CELF2: variants seen among roughly 807,000 people sequenced by gnomAD.
CELF2 encodes the protein CUGBP Elav-like family member 2, also known as CUG triplet repeat RNA-binding protein 2.
Under a neutral mutation model 62.6 loss-of-function variants are expected in CELF2, and 8 were observed. The observed-to-expected ratio is 0.13, with a 90% CI of 0.07 to 0.23. CELF2 has a LOEUF of 0.23. Ranked by LOEUF, CELF2 falls within the 10% of genes least tolerant of loss-of-function variation. CELF2 has a pLI of 1.00. For missense variants in CELF2, 333 were observed against 671.0 expected (o/e 0.50, Z 5.56); for synonymous variants, 258 against 250.0 (o/e 1.03, Z -0.30).
chr10:11,186,297 T>C lies in CELF2; in HGVS notation c.271+20615T>C, dbSNP rs548971447. On this transcript the variant is annotated intron_variant, in intron 2 of 12. Coordinates refer to ENST00000633077, the MANE Select transcript of CELF2 (RefSeq NM_001326342.2). ...AAGAACTAGCCTTTGGTTTTGTTGC[T>C]TTTTTTTTTTTTTTTTCTATTTCTT... Among the ~76,000 whole-genome samples, 100 of 41,936 alleles carry C rather than the reference T, an allele frequency of 2.4e-3. 1 individual carries two copies. Among genetic ancestry groups the C allele is most frequent in the African/African-American group, 0.013 (94 of 7,412 alleles). The allele number at this position is 41,936 out of a possible 152,430, so 27.5% of individuals were successfully genotyped here.
intron 1 of CELF2, among the ~76,000 whole-genome samples, chr10:11,041,124 T>C (rs1230334850): frequency 2.0e-5 from 3 of 152,234 alleles, no homozygotes; most frequent in Non-Finnish European, 4.4e-5. Context: ...TACCCTCACA[T>C]GGTTCAAAAA....
chr10:11,049,011 G>A (rs2063376867), intron 1 of CELF2, among the ~76,000 whole-genome samples: 1 of 151,966 alleles, frequency 6.6e-6, no homozygotes, highest in African/African-American at 2.4e-5. Context: ...TTCAAAATAT[G>A]TACAGAATTG....
At position 11,098,453 on chromosome 10, in the gene CELF2, A is replaced by G. The variant is rs1182257177; in HGVS notation, c.75-67033A>G. Reference sequence around the variant, plus strand: ...GTGAGCTCAAACCCCCATGTACTGCAGAGGGATAACAGTTCTTCAGCCTTG... The same window carrying G: ...GTGAGCTCAAACCCCCATGTACTGCGGAGGGATAACAGTTCTTCAGCCTTG... On this transcript the variant is annotated intron_variant, in intron 1 of 12. Transcript: ENST00000633077. The surrounding 1 kb of genome is among the most constrained non-coding windows in gnomAD (Gnocchi z 4.0). The G allele has an allele frequency of 6.6e-6, 1 of 152,178 alleles. No homozygotes were observed. Among genetic ancestry groups the G allele is most frequent in the Non-Finnish European group, 1.5e-5 (1 of 68,046 alleles). 9.4% of individuals were successfully genotyped at this position (152,178 alleles called of 1,614,324 possible).
intron 2 of CELF2, among the ~76,000 whole-genome samples, chr10:10,961,353 A>G (rs2135976587): frequency 6.6e-6 from 1 of 152,340 alleles, no homozygotes; most frequent in Non-Finnish European, 1.5e-5. Context: ...AAATGTTACC[A>G]TATTAAAGTA....
At chr10:10,640,264 A>G in the CELF2 span, among the ~76,000 whole-genome samples, 5 of 152,344 alleles carry the variant, frequency 3.3e-5, no homozygotes, top group East Asian at 9.6e-4. Flanking sequence ...GATGTTGAGT[A>G]AAGGCTTGGC....
the CELF2 span, among the ~76,000 whole-genome samples, chr10:10,554,299 GAGC>G: frequency 6.6e-6 from 1 of 152,132 alleles, no homozygotes; most frequent in Non-Finnish European, 1.5e-5. Flanking sequence ...CCCTTCACCT[GAGC>G]CACCCAGGTA....
the CELF2 span, among the ~76,000 whole-genome samples, chr10:10,733,376 G>A: frequency 6.6e-6 from 1 of 152,058 alleles, no homozygotes; most frequent in Non-Finnish European, 1.5e-5. Context: ...TCCAACTGCA[G>A]TCATCAAAGA....
intron 1 of CELF2, among the ~76,000 whole-genome samples, chr10:11,052,253 C>G (rs573057731): frequency 1.3e-5 from 2 of 152,146 alleles, no homozygotes; most frequent in Non-Finnish European, 2.9e-5. Context: ...TTAATACTTT[C>G]TTTTGCTAAA....
At position 11,260,296 on chromosome 10, in the gene CELF2, G is replaced by A. The variant is rs2242452; in HGVS notation, c.538+2424G>A. 1.3e-5 allele frequency among the ~76,000 whole-genome samples: 2 copies of A among 152,072 alleles called. No individual in the cohort carries two copies. Among genetic ancestry groups the A allele is most frequent in the African/African-American group, 4.8e-5 (2 of 41,366 alleles). On this transcript the variant is annotated intron_variant, in intron 5 of 12. Transcript: ENST00000633077. The surrounding 1 kb of genome is among the most constrained non-coding windows in gnomAD (Gnocchi z 4.2). ...TATGTGTGCTTGATTTCTGCTCCCCGTCTGCTGGCCTGGCTGATCTAGGCA... is the reference window on the plus strand; with the variant it reads ...TATGTGTGCTTGATTTCTGCTCCCCATCTGCTGGCCTGGCTGATCTAGGCA...
rs2082871453 is a variant in CELF2, at chr10:11,268,732, A to C, written c.619-1934A>C. 6.6e-6 allele frequency among the ~76,000 whole-genome samples: 1 copy of C among 151,888 alleles called. No homozygotes were observed. Among genetic ancestry groups the C allele is most frequent in the Non-Finnish European group, 1.5e-5 (1 of 68,010 alleles). On this transcript the variant is annotated intron_variant, in intron 6 of 12. Coordinates refer to ENST00000633077, the MANE Select transcript of CELF2 (RefSeq NM_001326342.2). The surrounding 1 kb of genome is among the most constrained non-coding windows in gnomAD (Gnocchi z 4.7). The stretch of plus-strand genomic sequence containing the variant: ...TTAATTGGCATTTAAATAGGAGGTT[A>C]TATATTATGCAGTCACATTATAATT...
At chr10:11,034,378 T>C (rs2060621452) in intron 1 of CELF2, among the ~76,000 whole-genome samples, 1 of 152,164 alleles carries the variant, frequency 6.6e-6, no homozygotes, top group Non-Finnish European at 1.5e-5. Flanking sequence ...TTGCTGCGTC[T>C]AGATCCCTCC....
intron 1 of CELF2, among the ~76,000 whole-genome samples, chr10:10,905,884 GAAAA>G (rs542102265): frequency 2.0e-5 from 2 of 99,788 alleles, no homozygotes; most frequent in African/African-American, 3.5e-5. Flanking sequence ...TCTCAAAAAA[GAAAA>G]AAAAAAAAAG....
rs548304421 is a variant in CELF2, at chr10:11,285,988, T to A, written c.842-2430T>A. ...TAAATAATGTCAACATAGGGTATGA[T>A]GAGAGCCACGAAAGAGTTATAAACA... On this transcript the variant is annotated intron_variant, in intron 8 of 12. Coordinates refer to ENST00000633077, the MANE Select transcript of CELF2 (RefSeq NM_001326342.2). The surrounding 1 kb of genome is among the most constrained non-coding windows in gnomAD (Gnocchi z 4.3). Among the ~76,000 whole-genome samples, 1 of 152,272 alleles carries A rather than the reference T, an allele frequency of 6.6e-6. No homozygotes were observed. The highest frequency in any genetic ancestry group is 1.5e-5 in the Non-Finnish European group (1 of 68,020).
In CELF2 at chr10:11,039,470, G is replaced by C. The variant is rs984600189; in HGVS notation, c.74+21307G>C. Reference sequence around the variant, plus strand: ...TTAGGGTGGTGAGCTATGTAGTCACGGTCACAGTGTGTACTCAAAGTACCT... The same window carrying C: ...TTAGGGTGGTGAGCTATGTAGTCACCGTCACAGTGTGTACTCAAAGTACCT... On this transcript the variant is annotated intron_variant, in intron 1 of 12. Transcript: ENST00000633077. The surrounding 1 kb of genome is among the most constrained non-coding windows in gnomAD (Gnocchi z 4.1). Among the ~76,000 whole-genome samples the C allele has an allele frequency of 6.6e-6, 1 of 152,164 alleles. No homozygotes were observed. The highest frequency in any genetic ancestry group is 2.4e-5 in the African/African-American group (1 of 41,422).
intron 2 of CELF2, among the ~76,000 whole-genome samples, chr10:10,984,985 T>C (rs1462566202): frequency 2.0e-5 from 3 of 152,186 alleles, no homozygotes; most frequent in Non-Finnish European, 4.4e-5. Flanking sequence ...GTCTATTCTA[T>C]TGACGAATGT....
intron 9 of CELF2, among the ~76,000 whole-genome samples, chr10:11,308,566 T>A (rs990735908): frequency 3.9e-5 from 6 of 152,242 alleles, no homozygotes; most frequent in Admixed American, 3.9e-4. Context: ...TGGTTTTTAC[T>A]TTTCAGCCCC....
rs145460618 is a variant in CELF2, at chr10:10,865,309, G to A, written c.54-54655G>A. Among the ~76,000 whole-genome samples the A allele has an allele frequency of 2.6e-5, 4 of 152,260 alleles. No individual in the cohort carries two copies. In the East Asian group the frequency reaches 7.7e-4, roughly 29 times the overall value. On this transcript the variant is annotated intron_variant, in intron 1 of 13. Transcript: ENST00000636488. ...AAAACAGAGTTCAAGTGGCATGAAG[G>A]TTTTGTTAGTGCTTTTTCTTCTCGC...
chr10:10,611,482 C>T, the CELF2 span, among the ~76,000 whole-genome samples: 2 of 152,128 alleles, frequency 1.3e-5, no homozygotes, highest in Non-Finnish European at 2.9e-5. Flanking sequence ...CCTTTTAGAA[C>T]CCGTAAGTCA....
upstream of CELF2, among the ~76,000 whole-genome samples, chr10:11,004,264 C>T (rs1461687366): frequency 1.6e-4 from 24 of 152,142 alleles, no homozygotes; most frequent in Admixed American, 1.6e-3. The surrounding 1 kb of genome is among the most constrained non-coding windows in gnomAD (Gnocchi z 5.0). Context: ...CAGTGACCCA[C>T]GTCTGTTTGA....
Sources: gnomAD v4.1 joint callset for allele counts (sites outside exome capture counted in the v4.1 genomes callset) on GRCh38, gnomAD v4.1.1 for gene constraint, Gnocchi (gnomAD v3.1) non-coding constraint, MANE v1.5 for transcripts, NCBI Gene and HGNC (gene_info 2026-07-23, HGNC 2026-07-21) for gene names.